The following CPPED1 variants were observed in gnomAD, a reference collection of about 807,000 sequenced individuals.
CPPED1 encodes serine/threonine-protein phosphatase CPPED1.
In CPPED1, 28 loss-of-function variants were observed where a neutral mutation model predicts 28.0. That is an observed-to-expected ratio of 1.00 (90% CI 0.74 to 1.37). CPPED1 has a LOEUF of 1.37. Ranked by LOEUF, CPPED1 falls within the 40% of genes most tolerant of loss-of-function variation. The pLI is 0.00. For synonymous variants in CPPED1, 198 were observed against 180.2 expected (o/e 1.10, Z -0.79); for missense variants, 504 against 416.5 (o/e 1.21, Z -1.83).
rs528912390 is a variant in CPPED1 at position 12,777,359 on chromosome 16, C to T, written c.289+3826G>A. 8.5e-5 allele frequency among the ~76,000 whole-genome samples: 13 copies of T among 152,180 alleles called. No homozygotes were observed. The East Asian group carries it at 2.3e-3, about 27-fold the overall frequency. ...CATGTTCTGATTTGTCAGCTTCACA[C>T]GTAATTGCTGAAATCTAACAAGGCT... On this transcript the variant is annotated intron_variant, in intron 2 of 3. Coordinates refer to ENST00000381774, the MANE Select transcript of CPPED1 (RefSeq NM_018340.3).
chr16:12,714,546 A>G (rs1345607625), intron 2 of CPPED1, among the ~76,000 whole-genome samples: 2 of 152,232 alleles, frequency 1.3e-5, no homozygotes, highest in Non-Finnish European at 2.9e-5. Flanking sequence ...TAATGATGCT[A>G]AACATTTGTT....
intron 3 of CPPED1, among the ~76,000 whole-genome samples, chr16:12,686,269 A>G (rs2079932991): frequency 6.7e-6 from 1 of 150,290 alleles, no homozygotes; most frequent in South Asian, 2.1e-4. Context: ...GGGTCTTGCT[A>G]TGTTGCCCAG....
chr16:12,692,144 G>A (rs1309325754), intron 3 of CPPED1, among the ~76,000 whole-genome samples: 3 of 152,120 alleles, frequency 2.0e-5, no homozygotes, highest in Non-Finnish European at 4.4e-5. Context: ...ATGAGCCACT[G>A]TGCCCGGCCG....
At chr16:12,800,348 G>A (rs948192692) in intron 1 of CPPED1, among the ~76,000 whole-genome samples, 6 of 151,162 alleles carry the variant, frequency 4.0e-5, no homozygotes, top group Non-Finnish European at 7.4e-5. Context: ...TGAAGCAGGA[G>A]AATCGTTTGA....
chr16:12,672,802 T>G (rs1293398339), intron 3 of CPPED1, among the ~76,000 whole-genome samples: 1 of 152,056 alleles, frequency 6.6e-6, no homozygotes. Context: ...TCAGTTGAGG[T>G]CAGGAGTTCG....
At chr16:12,764,950 A>G (rs1461355761) in intron 2 of CPPED1, among the ~76,000 whole-genome samples, 1 of 152,236 alleles carries the variant, frequency 6.6e-6, no homozygotes, top group Non-Finnish European at 1.5e-5. Flanking sequence ...CTCACCTGCC[A>G]GCCTCAAGGT....
At chr16:12,751,268 CAG>C (rs1210713310) in intron 2 of CPPED1, among the ~76,000 whole-genome samples, 1 of 152,144 alleles carries the variant, frequency 6.6e-6, no homozygotes, top group African/African-American at 2.4e-5. Context: ...AGTGTTCCAG[CAG>C]AGTGTTCTTA....
chr16:12,797,716 A>G (rs1327596904), intron 1 of CPPED1, among the ~76,000 whole-genome samples: 3 of 152,184 alleles, frequency 2.0e-5, no homozygotes, highest in Non-Finnish European at 2.9e-5. Context: ...TTGAAAAAAA[A>G]ATGGCAAAAA....
At chr16:12,665,544 C>A (rs957011410) in intron 3 of CPPED1, among the ~76,000 whole-genome samples, 1 of 152,150 alleles carries the variant, frequency 6.6e-6, no homozygotes, top group African/African-American at 2.4e-5. Context: ...GTAATCCCAG[C>A]ACTTTGGGAG....
intron 2 of CPPED1, among the ~76,000 whole-genome samples, chr16:12,730,609 A>G (rs111460996): frequency 1.0e-3 from 152 of 152,302 alleles, no homozygotes; most frequent in African/African-American, 3.5e-3. Context: ...CTACATGGCT[A>G]TAACACAGAA....
At chr16:12,746,373 CAAAA>C (rs71142518) in intron 2 of CPPED1, among the ~76,000 whole-genome samples, 1 of 105,550 alleles carries the variant, frequency 9.5e-6, no homozygotes. Context: ...GACTCTGACT[CAAAA>C]AAAAAAAAAA....
chr16:12,741,300 CT>C (rs11322298), intron 2 of CPPED1, among the ~76,000 whole-genome samples: 84,082 of 128,526 alleles, frequency 0.65, 26,597 homozygotes, highest in Admixed American at 0.75. Flanking sequence ...TCTGGCTGCC[CT>C]TTTTTTTTTT....
At chr16:12,688,476 T>C (rs922565547) in intron 3 of CPPED1, among the ~76,000 whole-genome samples, 3 of 151,892 alleles carry the variant, frequency 2.0e-5, no homozygotes, top group African/African-American at 4.8e-5. Flanking sequence ...GTAGCTGAGA[T>C]TACAGGCAGC....
intron 2 of CPPED1, among the ~76,000 whole-genome samples, chr16:12,719,805 C>T (rs2080128833): frequency 6.6e-6 from 1 of 151,814 alleles, no homozygotes; most frequent in African/African-American, 2.4e-5. Flanking sequence ...CGTGGTGGCA[C>T]AGTCCTGTAA....
intron 3 of CPPED1, among the ~76,000 whole-genome samples, chr16:12,674,971 A>T (rs965132989): frequency 1.3e-5 from 2 of 152,094 alleles, no homozygotes; most frequent in African/African-American, 4.8e-5. Context: ...TCACTGCTGG[A>T]GGGGGGCACA....
chr16:12,729,933 C>G (rs1440380343), intron 2 of CPPED1, among the ~76,000 whole-genome samples: 1 of 152,150 alleles, frequency 6.6e-6, no homozygotes, highest in Non-Finnish European at 1.5e-5. Context: ...GTGACCACAG[C>G]TCACTGCAAC....
At chr16:12,800,553 G>C (rs973764362) in intron 1 of CPPED1, among the ~76,000 whole-genome samples, 1 of 151,948 alleles carries the variant, frequency 6.6e-6, no homozygotes, top group Non-Finnish European at 1.5e-5. Flanking sequence ...AAATGCTTTT[G>C]TTGCCATTGC....
chr16:12,770,798 G>A (rs2080465592), intron 2 of CPPED1, among the ~76,000 whole-genome samples: 1 of 151,436 alleles, frequency 6.6e-6, no homozygotes, highest in Non-Finnish European at 1.5e-5. Flanking sequence ...CTCCAGCCTG[G>A]GTGACAGAGT....
chr16:12,718,947 C>T (rs549956983), intron 2 of CPPED1, among the ~76,000 whole-genome samples: 24 of 151,480 alleles, frequency 1.6e-4, no homozygotes, highest in East Asian at 1.6e-3. Flanking sequence ...TGGGTGGCAG[C>T]GCAAGATTCT....
Sources: allele counts gnomAD v4.1 joint callset (sites outside exome capture counted in the v4.1 genomes callset), GRCh38; gene constraint gnomAD v4.1.1; transcripts MANE v1.5; gene names NCBI Gene and HGNC (gene_info 2026-07-23, HGNC 2026-07-21).